The following C1D variants were observed in gnomAD, a reference collection of about 807,000 sequenced individuals.
C1D encodes C1D nuclear receptor corepressor.
C1D carries 10 observed loss-of-function variants against 17.5 expected under a neutral mutation model. The observed-to-expected ratio is 0.57, with a 90% confidence interval of 0.35 to 0.97. The LOEUF (loss-of-function observed/expected upper bound fraction) is 0.97. C1D is among the 50% of genes least tolerant of loss of function. C1D has a pLI of 0.01. For missense variants in C1D, 136 were observed against 160.1 expected (o/e 0.85, Z 0.81); for synonymous variants, 49 against 54.0 (o/e 0.91, Z 0.40).
chr2:68,043,644 A>C (rs769829145), intron 4 of C1D, among the ~76,000 whole-genome samples: 24 of 152,326 alleles, frequency 1.6e-4, no homozygotes, highest in South Asian at 4.1e-4. Context: ...AGGGTGAGAA[A>C]CATAATATGT....
intron 4 of C1D, among the ~76,000 whole-genome samples, 178 bp from the exon 5 acceptor site, chr2:68,043,231 T>C (rs1451789248): frequency 6.6e-6 from 1 of 152,162 alleles, no homozygotes; most frequent in Non-Finnish European, 1.5e-5. Flanking sequence ...CTGGAGTTCA[T>C]AGTCGGAGGG....
At chr2:68,060,793 C>T (rs1558586966) in intron 1 of C1D, among the ~76,000 whole-genome samples, 1 of 152,156 alleles carries the variant, frequency 6.6e-6, no homozygotes. Flanking sequence ...CCTACCTTTC[C>T]ATTGGTTATT....
intron 1 of C1D, among the ~76,000 whole-genome samples, chr2:68,060,818 T>C (rs1453090499): frequency 2.6e-5 from 4 of 152,234 alleles, no homozygotes; most frequent in African/African-American, 4.8e-5. Flanking sequence ...CACTGGGCTA[T>C]TGCTCAAGGG....
intron 1 of C1D, among the ~76,000 whole-genome samples, chr2:68,054,483 C>T (rs1414345362): frequency 1.3e-5 from 2 of 152,166 alleles, no homozygotes; most frequent in Admixed American, 6.5e-5. Flanking sequence ...GAAGGAAAAC[C>T]TCAGCTCTGC....
intron 1 of C1D, among the ~76,000 whole-genome samples, chr2:68,048,682 T>C (rs147974911): frequency 6.6e-6 from 1 of 152,284 alleles, no homozygotes; most frequent in East Asian, 1.9e-4. Context: ...ATCCAACTAC[T>C]GTGCAACCAG....
chr2:68,045,733 A>G (rs1671100289), intron 4 of C1D, among the ~76,000 whole-genome samples: 1 of 152,108 alleles, frequency 6.6e-6, no homozygotes, highest in African/African-American at 2.4e-5. Context: ...AAGAATTTAT[A>G]AGAAAAATAA....
intron 2 of C1D, 108 bp downstream of exon 2, chr2:68,047,065 A>C: frequency 1.1e-6 from 1 of 935,604 alleles, no homozygotes; most frequent in Non-Finnish European, 1.5e-6. Context: ...ATTGAAATAA[A>C]GGGGAAAAGG....
At chr2:68,056,658 A>G (rs1263526484) in intron 1 of C1D, among the ~76,000 whole-genome samples, 2 of 152,228 alleles carry the variant, frequency 1.3e-5, no homozygotes, top group Non-Finnish European at 2.9e-5. Context: ...ACCAATAAGC[A>G]TAAAGAAAGC....
At position 68,042,837 on chromosome 2, in the gene C1D, G is replaced by GGGGGA; in HGVS notation, c.*51_*52insTCCCC. ...CCACAGAATTATTTTGCGGGGGGGG[G>GGGGGA]GGGGGGGGGGAAGATGTACTTTTTG... On this transcript the variant is annotated 3_prime_UTR_variant, in exon 5 of 5. Transcript: ENST00000410067. 1 of 355,792 alleles carries GGGGGA rather than the reference G, an allele frequency of 2.8e-6. No homozygotes were observed. Among genetic ancestry groups the GGGGGA allele is most frequent in the Non-Finnish European group, 4.8e-6 (1 of 209,978 alleles). 22.0% of individuals were successfully genotyped at this position (355,792 alleles called of 1,614,324 possible).
intron 1 of C1D, among the ~76,000 whole-genome samples, chr2:68,057,002 CATTATTAGAACCTGGTTA>C (rs1200752123): frequency 4.6e-5 from 7 of 152,176 alleles, no homozygotes; most frequent in Non-Finnish European, 1.0e-4. Flanking sequence ...CCCACACATC[CATTATTAGAACCTGGTTA>C]AATAAATTAT....
intron 1 of C1D, among the ~76,000 whole-genome samples, chr2:68,054,650 A>C (rs920901703): frequency 3.3e-5 from 5 of 152,120 alleles, no homozygotes; most frequent in African/African-American, 7.2e-5. Context: ...CTACAGCCAA[A>C]CCAAGTTGAA....
intron 1 of C1D, among the ~76,000 whole-genome samples, chr2:68,061,633 G>C (rs1671631703): frequency 6.6e-6 from 1 of 152,090 alleles, no homozygotes; most frequent in Admixed American, 6.5e-5. Context: ...CTAGATAAAA[G>C]CCATTAGAAC....
In C1D at chr2:68,060,651, G is replaced by T. The variant is rs2103819954; in HGVS notation, c.-10+2307C>A. Among the ~76,000 whole-genome samples, 2 of 151,876 alleles carry T rather than the reference G, an allele frequency of 1.3e-5. 1 individual carries two copies. The highest frequency in any genetic ancestry group is 4.2e-4 in the South Asian group (2 of 4,812). On this transcript the variant is annotated intron_variant, in intron 1 of 4. Coordinates refer to ENST00000410067, the MANE Select transcript of C1D (RefSeq NM_173177.3). Reference sequence around the variant, plus strand: ...GAGTGAGACTCCAAAAGAAAAGAGGGGCGAGATGGGGTGGGGCAGGGCGGG... The same window carrying T: ...GAGTGAGACTCCAAAAGAAAAGAGGTGCGAGATGGGGTGGGGCAGGGCGGG...
intron 1 of C1D, among the ~76,000 whole-genome samples, chr2:68,056,896 G>A (rs1290568448): frequency 6.6e-6 from 1 of 152,080 alleles, no homozygotes; most frequent in Non-Finnish European, 1.5e-5. Context: ...CTTTGACCTA[G>A]CAATTTTACT....
At chr2:68,058,413 CAGAA>C (rs535473784) in intron 1 of C1D, among the ~76,000 whole-genome samples, 72 of 152,296 alleles carry the variant, frequency 4.7e-4, no homozygotes, top group African/African-American at 1.6e-3. Context: ...TGAGGGAAGA[CAGAA>C]AGCTTCCTCA....
Position 68,044,039 on chromosome 2 carries a change from A to G in C1D, c.262-986T>C, listed in dbSNP as rs187999956. On this transcript the variant is annotated intron_variant, in intron 4 of 4. Coordinates refer to ENST00000410067, the MANE Select transcript of C1D (RefSeq NM_173177.3). ...TACGGCCACTTCCTCTCTTCCTTCCAGTCTACTCAAATGTTAACCTTGTCA... is the reference window on the plus strand; with the variant it reads ...TACGGCCACTTCCTCTCTTCCTTCCGGTCTACTCAAATGTTAACCTTGTCA... 2.0e-4 allele frequency among the ~76,000 whole-genome samples: 30 copies of G among 152,300 alleles called. 1 individual carries two copies. Among genetic ancestry groups the G allele is most frequent in the Admixed American group, 1.8e-3 (28 of 15,304 alleles).
chr2:68,044,451 G>A (rs1307001976), intron 4 of C1D, among the ~76,000 whole-genome samples: 1 of 152,244 alleles, frequency 6.6e-6, no homozygotes, highest in Non-Finnish European at 1.5e-5. Context: ...AACAGGCTCT[G>A]TAATCCCAGC....
At chr2:68,057,421 T>C (rs1005230780) in intron 1 of C1D, among the ~76,000 whole-genome samples, 1 of 152,164 alleles carries the variant, frequency 6.6e-6, no homozygotes, top group African/African-American at 2.4e-5. Flanking sequence ...CCTCCCACAG[T>C]GCTGGGATTA....
At chr2:68,045,003 C>G (rs758913994) in intron 4 of C1D, among the ~76,000 whole-genome samples, 4 of 152,138 alleles carry the variant, frequency 2.6e-5, no homozygotes, top group Non-Finnish European at 4.4e-5. Flanking sequence ...ACCTGCATAT[C>G]ATATTGCTTT....
Sources: allele counts gnomAD v4.1 joint callset (sites outside exome capture counted in the v4.1 genomes callset), GRCh38; gene constraint gnomAD v4.1.1; transcripts MANE v1.5; gene names NCBI Gene and HGNC (gene_info 2026-07-23, HGNC 2026-07-21).